LUZP2: variants seen among roughly 807,000 people sequenced by gnomAD.
LUZP2 encodes the protein leucine zipper protein 2.
A neutral mutation model predicts 51.6 loss-of-function variants in LUZP2; 52 were observed. The observed-to-expected ratio is 1.01, with a 90% CI of 0.81 to 1.27. The LOEUF (loss-of-function observed/expected upper bound fraction) is 1.27, where lower values mean the gene tolerates loss of function less well. LUZP2 is among the 50% of genes most tolerant of loss of function. The pLI is 0.00. For synonymous variants in LUZP2, 154 were observed against 137.3 expected, an observed-to-expected ratio of 1.12 and a Z score of -0.85; for missense variants, 436 against 395.4, an observed-to-expected ratio of 1.10 and a Z score of -0.87.
intron 1 of LUZP2, among the ~76,000 whole-genome samples, chr11:24,727,411 G>A: frequency 6.6e-6 from 1 of 151,986 alleles, no homozygotes; most frequent in South Asian, 2.1e-4. Context: ...TATAAAATAG[G>A]TACGGATGTG....
chr11:24,760,665 GA>G (rs981230361), intron 4 of LUZP2, among the ~76,000 whole-genome samples: 1 of 152,090 alleles, frequency 6.6e-6, no homozygotes, highest in African/African-American at 2.4e-5. Flanking sequence ...AGGCCTGAAA[GA>G]AAAAAGTGTT....
chr11:24,968,650 C>T (rs1448901094), intron 7 of LUZP2, among the ~76,000 whole-genome samples: 1 of 152,154 alleles, frequency 6.6e-6, no homozygotes, highest in East Asian at 1.9e-4. Flanking sequence ...TACAGGAACA[C>T]TCCTGTTACC....
intron 5 of LUZP2, among the ~76,000 whole-genome samples, chr11:24,803,542 A>G (rs903947916): frequency 6.6e-6 from 1 of 152,112 alleles, no homozygotes; most frequent in Admixed American, 6.6e-5. Flanking sequence ...CATTTATAGC[A>G]GCGTTATTCA....
At chr11:24,500,227 C>T (rs1849953973) in intron 1 of LUZP2, among the ~76,000 whole-genome samples, 1 of 151,936 alleles carries the variant, frequency 6.6e-6, no homozygotes, top group South Asian at 2.1e-4. Context: ...CTGGTAAACC[C>T]CATAGAGTTT....
chr11:25,069,503 A>G (rs889925482), intron 10 of LUZP2, among the ~76,000 whole-genome samples: 6 of 151,916 alleles, frequency 3.9e-5, no homozygotes, highest in African/African-American at 1.4e-4. Context: ...AGCTACACGT[A>G]CAACATCTGG....
At chr11:24,825,019 C>T (rs1850481740) in intron 5 of LUZP2, among the ~76,000 whole-genome samples, 1 of 151,954 alleles carries the variant, frequency 6.6e-6, no homozygotes, top group South Asian at 2.1e-4. Flanking sequence ...AACATAAACA[C>T]AAACATATAT....
At chr11:24,897,954 G>GA (rs1334747279) in intron 5 of LUZP2, among the ~76,000 whole-genome samples, 2 of 151,850 alleles carry the variant, frequency 1.3e-5, no homozygotes, top group Non-Finnish European at 1.5e-5. Context: ...TTGCAATTCA[G>GA]AAAAAAATAC....
chr11:24,844,208 G>GA (rs1209410312), intron 5 of LUZP2, among the ~76,000 whole-genome samples: 3 of 152,162 alleles, frequency 2.0e-5, no homozygotes, highest in Non-Finnish European at 4.4e-5. Flanking sequence ...TATGGACAAT[G>GA]AAATCCAGGC....
At chr11:25,013,558 A>G (rs1174473853) in intron 9 of LUZP2, among the ~76,000 whole-genome samples, 2 of 152,108 alleles carry the variant, frequency 1.3e-5, no homozygotes, top group African/African-American at 4.8e-5. Flanking sequence ...TAATATAACT[A>G]TGGCTTATTT....
intron 7 of LUZP2, among the ~76,000 whole-genome samples, chr11:24,935,578 T>C (rs1288817049): frequency 6.6e-6 from 1 of 152,134 alleles, no homozygotes; most frequent in East Asian, 1.9e-4. Context: ...TCTCAGGGAT[T>C]TACTGCATCT....
At chr11:24,920,176 G>C (rs1193198656) in intron 7 of LUZP2, among the ~76,000 whole-genome samples, 1 of 151,896 alleles carries the variant, frequency 6.6e-6, no homozygotes, top group Non-Finnish European at 1.5e-5. Flanking sequence ...TCTCTGTTGA[G>C]ATACATAATG....
chr11:24,774,291 C>A (rs952824365), intron 5 of LUZP2, among the ~76,000 whole-genome samples: 2 of 145,270 alleles, frequency 1.4e-5, no homozygotes, highest in Non-Finnish European at 3.0e-5. Context: ...TATTATGGGG[C>A]CCTGTGATTG....
chr11:24,914,584 C>T lies in LUZP2; in HGVS notation c.522+46C>T, dbSNP rs140371578. 5.6e-4 allele frequency: 688 copies of T among 1,239,398 alleles called. 2 individuals carry two copies. The African/African-American group carries it at 9.2e-3, about 17-fold the overall frequency. The allele number at this position is 1,239,398 out of a possible 1,614,324, so 76.8% of individuals were successfully genotyped here. ...TTCCCTGAAACTTGCTAGCTCAATA[C>T]CTAAAATATCAAAAACATTATTTAG... is the stretch of plus-strand genomic sequence containing the variant. On this transcript the variant is annotated intron_variant, in intron 7 of 11. Coordinates refer to ENST00000336930, the MANE Select transcript of LUZP2 (RefSeq NM_001009909.4).
At chr11:24,949,262 T>G (rs1162457829) in intron 7 of LUZP2, among the ~76,000 whole-genome samples, 2 of 151,480 alleles carry the variant, frequency 1.3e-5, no homozygotes, top group African/African-American at 4.8e-5. Flanking sequence ...ATTTCTTTCT[T>G]TCTTCCTATC....
In LUZP2 at chr11:24,973,098, T is replaced by C. The variant is rs117460800; in HGVS notation, c.523-3493T>C. ...TTAAATTTTTGGTTGGTAGGCTATT[T>C]CTTACTGCCTCAATTTTAGAACTCA... On this transcript the variant is annotated intron_variant, in intron 7 of 11. Transcript: ENST00000336930. 6.6e-3 allele frequency among the ~76,000 whole-genome samples: 993 copies of C among 150,522 alleles called. 21 individuals are homozygous for C. The East Asian group carries it at 0.072, about 11-fold the overall frequency.
intron 5 of LUZP2, among the ~76,000 whole-genome samples, chr11:24,789,962 T>G (rs1310920334): frequency 2.0e-5 from 3 of 152,226 alleles, no homozygotes; most frequent in South Asian, 4.1e-4. Context: ...ACTACCCATT[T>G]ACTCTGCTTT....
At chr11:24,824,641 T>C (rs1216715024) in intron 5 of LUZP2, among the ~76,000 whole-genome samples, 1 of 151,890 alleles carries the variant, frequency 6.6e-6, no homozygotes, top group East Asian at 1.9e-4. Context: ...ATTAAAAAAT[T>C]GAATAAATTA....
At chr11:24,924,620 A>G (rs1854172385) in intron 7 of LUZP2, among the ~76,000 whole-genome samples, 1 of 152,218 alleles carries the variant, frequency 6.6e-6, no homozygotes, top group Admixed American at 6.5e-5. Context: ...GGTTAAGGGC[A>G]TACCTGTGAC....
At chr11:24,508,775 G>A (rs1050192968) in intron 1 of LUZP2, among the ~76,000 whole-genome samples, 2 of 152,032 alleles carry the variant, frequency 1.3e-5, no homozygotes, top group Admixed American at 6.6e-5. Context: ...TTTGTCTAAG[G>A]TTACTTTATT....
Sources: gnomAD v4.1 joint callset for allele counts (sites outside exome capture counted in the v4.1 genomes callset) on GRCh38, gnomAD v4.1.1 for gene constraint, MANE v1.5 for transcripts, NCBI Gene and HGNC (gene_info 2026-07-23, HGNC 2026-07-21) for gene names.